The following SHANK2 variants were observed in gnomAD, a reference collection of about 807,000 sequenced individuals.
The protein encoded by SHANK2 is SH3 and multiple ankyrin repeat domains 2, also known as SH3 and multiple ankyrin repeat domains protein 2.
Under a neutral mutation model 133.7 loss-of-function variants are expected in SHANK2, and 43 were observed. The ratio of observed to expected loss-of-function variants is 0.32; its 90% CI spans 0.25 to 0.41. The LOEUF (loss-of-function observed/expected upper bound fraction) is 0.41. Ranked by LOEUF, SHANK2 falls within the 10% of genes least tolerant of loss-of-function variation. SHANK2 has a pLI of 1.00. For missense variants in SHANK2, 1,994 were observed against 2,235.8 expected (o/e 0.89, Z 2.18); for synonymous variants, 1,017 against 952.8 (o/e 1.07, Z -1.24).
chr11:71,065,046 G>A (rs983581626), intron 9 of SHANK2, among the ~76,000 whole-genome samples: 1 of 152,180 alleles, frequency 6.6e-6, no homozygotes, highest in Admixed American at 6.5e-5. Context: ...TGCAGACGCC[G>A]AGAGATGCCA....
intron 2 of SHANK2, among the ~76,000 whole-genome samples, chr11:71,194,178 G>A (rs952697083): frequency 6.6e-6 from 1 of 152,040 alleles, no homozygotes; most frequent in Non-Finnish European, 1.5e-5. Context: ...GGTAACCCAG[G>A]GAAAGTTTTG....
intron 21 of SHANK2, chr11:70,497,040 T>G (rs1440391813): frequency 4.4e-6 from 2 of 456,696 alleles, no homozygotes; most frequent in Admixed American, 4.7e-5. Flanking sequence ...CTAGAGCATG[T>G]GAGAGCAGCC....
intron 12 of SHANK2, among the ~76,000 whole-genome samples, chr11:70,813,898 T>C (rs1231744751): frequency 6.6e-6 from 1 of 152,150 alleles, no homozygotes; most frequent in African/African-American, 2.4e-5. Flanking sequence ...TCTCTGAGGA[T>C]GCACGACAGG....
At chr11:71,195,185 G>A (rs558393897) in intron 2 of SHANK2, among the ~76,000 whole-genome samples, 43 of 152,310 alleles carry the variant, frequency 2.8e-4, no homozygotes, top group Admixed American at 7.8e-4. Context: ...AAGGTCAGGA[G>A]ATCGAGACCA....
intron 11 of SHANK2, among the ~76,000 whole-genome samples, chr11:70,844,110 C>G (rs1555062514): frequency 6.6e-6 from 1 of 152,176 alleles, no homozygotes; most frequent in African/African-American, 2.4e-5. Context: ...CATCCATCCA[C>G]ACACACCCAG....
In SHANK2 at chr11:71,252,215, C is replaced by A. The variant is rs975162086; in HGVS notation, c.-113+210G>T. On this transcript the variant is annotated intron_variant, in intron 1 of 25. Transcript: ENST00000601538. This position sits in a 1 kb window ranked among gnomAD's most constrained non-coding sequence, Gnocchi z 6.3. ...GGCATGCAGGGGGAAGGGCTCTCTACGGAAAATCGACCCCCACCTGGACAC... is the reference window on the plus strand; with the variant it reads ...GGCATGCAGGGGGAAGGGCTCTCTAAGGAAAATCGACCCCCACCTGGACAC... Among the ~76,000 whole-genome samples the A allele has an allele frequency of 6.6e-6, 1 of 152,102 alleles. No individual in the cohort carries two copies. Among genetic ancestry groups the A allele is most frequent in the East Asian group, 1.9e-4 (1 of 5,150 alleles).
intron 13 of SHANK2, among the ~76,000 whole-genome samples, chr11:70,799,015 G>A (rs959829012): frequency 3.3e-5 from 5 of 152,162 alleles, no homozygotes; most frequent in African/African-American, 4.8e-5. Context: ...CCTAAGCTGG[G>A]CAAGAACCGG....
intron 17 of SHANK2, chr11:70,647,484 T>G (rs2061280034): frequency 1.3e-5 from 2 of 152,198 alleles, no homozygotes; most frequent in Admixed American, 6.5e-5. Context: ...CGTGTGTCTG[T>G]GGGTATGTGA....
chr11:70,705,958 TG>T (rs1179881783), intron 14 of SHANK2: 1 of 152,312 alleles, frequency 6.6e-6, no homozygotes, highest in East Asian at 1.9e-4. Flanking sequence ...TTTTCAACTC[TG>T]CTGCTTAACG....
chr11:71,184,515 G>A (rs1555114204), intron 2 of SHANK2, among the ~76,000 whole-genome samples: 1 of 152,174 alleles, frequency 6.6e-6, no homozygotes, highest in African/African-American at 2.4e-5. Flanking sequence ...CCACTGGGCT[G>A]CAGCAGCTGC....
chr11:70,489,736 T>C (rs1487707952), intron 23 of SHANK2: 7 of 317,364 alleles, frequency 2.2e-5, no homozygotes, highest in Admixed American at 4.6e-5. Context: ...AGGTCAAGTG[T>C]ACCTTTGCCT....
chr11:70,833,244 T>G (rs2135405085), intron 11 of SHANK2, among the ~76,000 whole-genome samples: 1 of 152,358 alleles, frequency 6.6e-6, no homozygotes, highest in South Asian at 2.1e-4. Flanking sequence ...AGGTATTCCA[T>G]GCAGCCCACC....
chr11:71,201,223 C>T (rs1954013709), intron 2 of SHANK2, among the ~76,000 whole-genome samples: 1 of 152,208 alleles, frequency 6.6e-6, no homozygotes, highest in Admixed American at 6.5e-5. Context: ...GTGCCCTCCC[C>T]CATATTCCAA....
At chr11:71,193,233 AG>A (rs1555115723) in intron 2 of SHANK2, among the ~76,000 whole-genome samples, 1 of 152,158 alleles carries the variant, frequency 6.6e-6, no homozygotes, top group African/African-American at 2.4e-5. Flanking sequence ...ACCGGCTGAG[AG>A]GGCTTCTGTG....
chr11:70,902,205 G>A (rs935636938), intron 10 of SHANK2, among the ~76,000 whole-genome samples: 6 of 152,246 alleles, frequency 3.9e-5, no homozygotes, highest in Non-Finnish European at 5.9e-5. Context: ...TGTATGAGAC[G>A]CCTCACTGGC....
In SHANK2 at chr11:70,798,859, C is replaced by A. The variant is rs113436051; in HGVS notation, c.1664-303G>T. ...ACGTCATATGAATGGATGTGCACGG[C>A]GGCCCTGTAGCATCTCTCAGTGTTG... On this transcript the variant is annotated intron_variant, in intron 13 of 25. Coordinates refer to ENST00000601538, the MANE Select transcript of SHANK2 (RefSeq NM_012309.5). Among the ~76,000 whole-genome samples, 689 of 152,298 alleles carry A rather than the reference C, an allele frequency of 4.5e-3. 9 individuals carry two copies. Among genetic ancestry groups the A allele is most frequent in the African/African-American group, 0.015 (634 of 41,558 alleles).
chr11:70,711,748 C>T lies in SHANK2; in HGVS notation c.1778-12985G>A, dbSNP rs1354837076. On this transcript the variant is annotated intron_variant, in intron 14 of 25. Coordinates refer to ENST00000601538, the MANE Select transcript of SHANK2 (RefSeq NM_012309.5). Reference sequence around the variant, plus strand: ...CAGAGCTTTGATTTGAAAAGCAACACGTATCACAAAAATGCCGCCAACTGG... The same window carrying T: ...CAGAGCTTTGATTTGAAAAGCAACATGTATCACAAAAATGCCGCCAACTGG... Among the ~76,000 whole-genome samples, 7 of 152,248 alleles carry T rather than the reference C, an allele frequency of 4.6e-5. No individual in the cohort carries two copies. The South Asian group carries it at 1.0e-3, about 23-fold the overall frequency.
chr11:71,239,170 T>G (rs887951242), intron 1 of SHANK2, among the ~76,000 whole-genome samples: 11 of 152,206 alleles, frequency 7.2e-5, no homozygotes, highest in Non-Finnish European at 1.6e-4. Flanking sequence ...CCCATCCCTT[T>G]CTGTTCTACT....
At chr11:70,511,428 T>A (rs1554969286) in intron 17 of SHANK2, among the ~76,000 whole-genome samples, 1 of 152,210 alleles carries the variant, frequency 6.6e-6, no homozygotes, top group Admixed American at 6.5e-5. Context: ...TGACAGAAAC[T>A]GCAGAATAGG....
Sources: gnomAD v4.1 joint callset for allele counts (sites outside exome capture counted in the v4.1 genomes callset) on GRCh38, gnomAD v4.1.1 for gene constraint, Gnocchi (gnomAD v3.1) non-coding constraint, MANE v1.5 for transcripts, NCBI Gene and HGNC (gene_info 2026-07-23, HGNC 2026-07-21) for gene names.